Variants in PTPRT observed in about 807,000 individuals in gnomAD.
PTPRT encodes receptor-type tyrosine-protein phosphatase T.
PTPRT carries 56 observed loss-of-function variants against 176.8 expected under a neutral mutation model. The observed-to-expected ratio is 0.32, with a 90% confidence interval of 0.26 to 0.40. The LOEUF is 0.40. Ranked by LOEUF, PTPRT falls within the 10% of genes least tolerant of loss-of-function variation. The probability of loss-of-function intolerance (pLI) is 1.00; values close to 1 mark genes in which losing one functional copy is unlikely to be tolerated. For synonymous variants in PTPRT, 783 were observed against 739.0 expected (o/e 1.06, Z -0.96); for missense variants, 1,540 against 1,908.2 (o/e 0.81, Z 3.60).
chr20:42,833,338 G>A (rs1280908580), intron 2 of PTPRT, among the ~76,000 whole-genome samples: 1 of 150,666 alleles, frequency 6.6e-6, no homozygotes, highest in Non-Finnish European at 1.5e-5. Flanking sequence ...ATGAGAGGCT[G>A]AGACAAGAGG....
At chr20:42,719,853 C>G (rs979350880) in intron 6 of PTPRT, among the ~76,000 whole-genome samples, 1 of 152,150 alleles carries the variant, frequency 6.6e-6, no homozygotes, top group Non-Finnish European at 1.5e-5. Flanking sequence ...GATGGAAACA[C>G]CTGCCACTCT....
chr20:42,216,345 C>T (rs963002988), intron 15 of PTPRT, among the ~76,000 whole-genome samples: 2 of 152,218 alleles, frequency 1.3e-5, no homozygotes, highest in South Asian at 2.1e-4. Flanking sequence ...CTACCAATTC[C>T]CCAGGGCCTT....
chr20:42,583,038 G>T (rs995379176), intron 7 of PTPRT, among the ~76,000 whole-genome samples: 2 of 152,076 alleles, frequency 1.3e-5, no homozygotes, highest in African/African-American at 4.8e-5. Context: ...CTCAGCACAG[G>T]GGCTGGCACA....
At chr20:42,779,377 C>G (rs2077182421) in intron 4 of PTPRT, among the ~76,000 whole-genome samples, 1 of 152,190 alleles carries the variant, frequency 6.6e-6, no homozygotes, top group Non-Finnish European at 1.5e-5. Context: ...TTACCTAGAA[C>G]TGGATGGCTG....
intron 15 of PTPRT, among the ~76,000 whole-genome samples, chr20:42,214,427 G>A (rs2055719457): frequency 6.6e-6 from 1 of 152,162 alleles, no homozygotes; most frequent in South Asian, 2.1e-4. Flanking sequence ...GGCATAGCTG[G>A]TGGGTCCTTT....
intron 6 of PTPRT, among the ~76,000 whole-genome samples, chr20:42,715,619 A>C (rs1369631006): frequency 6.6e-6 from 1 of 152,194 alleles, no homozygotes; most frequent in African/African-American, 2.4e-5. Context: ...CAATGGATAC[A>C]TATACACAAA....
chr20:43,036,681 A>G (rs149550026), intron 1 of PTPRT, among the ~76,000 whole-genome samples: 1 of 152,302 alleles, frequency 6.6e-6, no homozygotes, highest in African/African-American at 2.4e-5. Context: ...CCACTCAAAA[A>G]CCTTAAAACA....
At chr20:42,423,178 T>TAAAAAAAAAA (rs34775268) in intron 9 of PTPRT, among the ~76,000 whole-genome samples, 14 of 88,038 alleles carry the variant, frequency 1.6e-4, no homozygotes, top group African/African-American at 2.6e-4. Flanking sequence ...ACCTTAAAAG[T>TAAAAAAAAAA]AAAAAAAAAA....
chr20:42,325,462 T>C (rs1340130717), intron 11 of PTPRT, among the ~76,000 whole-genome samples: 1 of 152,148 alleles, frequency 6.6e-6, no homozygotes, highest in Non-Finnish European at 1.5e-5. Context: ...CCAAATAAGT[T>C]TTCCCTCAAT....
At chr20:42,676,364 GGCAGAGC>G in intron 7 of PTPRT, among the ~76,000 whole-genome samples, 1 of 152,084 alleles carries the variant, frequency 6.6e-6, no homozygotes, top group African/African-American at 2.4e-5. Context: ...GTCAAGTCAT[GGCAGAGC>G]TGTATGCACT....
At chr20:42,444,876 C>T (rs1034394741) in intron 9 of PTPRT, among the ~76,000 whole-genome samples, 2 of 152,142 alleles carry the variant, frequency 1.3e-5, no homozygotes, top group African/African-American at 4.8e-5. Flanking sequence ...TTTTTAAAAG[C>T]AAGGTCTCTT....
chr20:42,153,728 C>T lies in PTPRT; in HGVS notation c.2682+7624G>A, dbSNP rs747290168. On this transcript the variant is annotated intron_variant, in intron 17 of 30. Coordinates refer to ENST00000373187, the MANE Select transcript of PTPRT (RefSeq NM_007050.6). ...ACTTCCAGCTGCCTACACGTGTCTC[C>T]ATGGTCATGCATGAGCTTCTGGGTG... Among the ~76,000 whole-genome samples the T allele has an allele frequency of 2.6e-4, 40 of 152,182 alleles. 1 individual carries two copies. The highest frequency in any genetic ancestry group is 5.3e-4 in the Non-Finnish European group (36 of 68,048).
At chr20:42,521,192 G>T (rs1410814479) in intron 7 of PTPRT, among the ~76,000 whole-genome samples, 1 of 151,908 alleles carries the variant, frequency 6.6e-6, no homozygotes, top group Non-Finnish European at 1.5e-5. Context: ...TTTCATTCAT[G>T]CTTTACCAAG....
intron 2 of PTPRT, among the ~76,000 whole-genome samples, chr20:42,808,861 A>T (rs1341960761): frequency 6.6e-6 from 1 of 152,146 alleles, no homozygotes; most frequent in Non-Finnish European, 1.5e-5. Context: ...TGCTCAACAA[A>T]CATGGGCACA....
intron 14 of PTPRT, among the ~76,000 whole-genome samples, chr20:42,237,200 T>C (rs1391925104): frequency 1.3e-5 from 2 of 152,176 alleles, no homozygotes; most frequent in African/African-American, 2.4e-5. Context: ...TGAAGACACA[T>C]GAGAAAAATA....
intron 7 of PTPRT, among the ~76,000 whole-genome samples, chr20:42,625,105 T>G (rs910748288): frequency 8.5e-5 from 13 of 152,144 alleles, no homozygotes; most frequent in African/African-American, 2.9e-4. Context: ...CACAAATAAC[T>G]GCAGAATCAG....
At chr20:42,169,663 T>C (rs751531096) in intron 16 of PTPRT, among the ~76,000 whole-genome samples, 3 of 151,098 alleles carry the variant, frequency 2.0e-5, no homozygotes, top group Non-Finnish European at 4.4e-5. Flanking sequence ...AACAAGATAA[T>C]ATGAGGTCTT....
intron 17 of PTPRT, among the ~76,000 whole-genome samples, chr20:42,144,547 G>T (rs1246716586): frequency 1.3e-5 from 2 of 152,078 alleles, no homozygotes; most frequent in Non-Finnish European, 2.9e-5. Flanking sequence ...AGAGTTATGA[G>T]TCAAGTGGTA....
chr20:42,955,071 G>T (rs1012540720), intron 1 of PTPRT, among the ~76,000 whole-genome samples: 1 of 151,970 alleles, frequency 6.6e-6, no homozygotes, highest in African/African-American at 2.4e-5. Flanking sequence ...TTTAAGAAAC[G>T]CCGCACACTC....
Sources: allele counts gnomAD v4.1 joint callset (sites outside exome capture counted in the v4.1 genomes callset), GRCh38; gene constraint gnomAD v4.1.1; transcripts MANE v1.5; gene names NCBI Gene and HGNC (gene_info 2026-07-23, HGNC 2026-07-21).